Variants in CAST observed in about 807,000 individuals in gnomAD.
CAST encodes the protein MIR583 host.
CAST carries 76 observed loss-of-function variants against 119.6 expected under a neutral mutation model. That is an observed-to-expected ratio of 0.64 (90% confidence interval 0.53 to 0.77). The LOEUF is 0.77. Among genes scored for constraint, CAST ranks in the 30% least tolerant of loss-of-function variants. The probability of loss-of-function intolerance (pLI) is 0.00; values close to 1 mark genes in which losing one functional copy is unlikely to be tolerated. For missense variants in CAST, 953 were observed against 946.5 expected, an observed-to-expected ratio of 1.01 and a Z score of -0.09; for synonymous variants, 319 against 331.6, an observed-to-expected ratio of 0.96 and a Z score of 0.41.
chr5:96,436,971 C>T, the CAST span, among the ~76,000 whole-genome samples: 2 of 152,152 alleles, frequency 1.3e-5, no homozygotes, highest in African/African-American at 2.4e-5. Context: ...AATAGACATG[C>T]TTGCAGCAGG....
the CAST span, among the ~76,000 whole-genome samples, chr5:96,228,003 C>CTG: frequency 0.013 from 1,903 of 146,654 alleles, 20 homozygotes; most frequent in African/African-American, 0.037. Context: ...CTTTCTCTCT[C>CTG]TGTGTGTGTG....
chr5:96,152,950 G>A, the CAST span, among the ~76,000 whole-genome samples: 1 of 152,146 alleles, frequency 6.6e-6, no homozygotes. Context: ...TCAAGTTGAG[G>A]AATTTAGAAA....
intron 1 of CAST, among the ~76,000 whole-genome samples, chr5:96,576,915 C>T (rs1746683042): frequency 6.6e-6 from 1 of 152,074 alleles, no homozygotes; most frequent in South Asian, 2.1e-4. Context: ...GTTTGCTGCA[C>T]CTAACAACCC....
At chr5:96,000,430 A>G in the CAST span, among the ~76,000 whole-genome samples, 1 of 152,204 alleles carries the variant, frequency 6.6e-6, no homozygotes, top group Non-Finnish European at 1.5e-5. Context: ...AGTGTGAAGT[A>G]GGTGTCTAAA....
At chr5:96,633,623 A>G (rs909482504) in intron 1 of CAST, among the ~76,000 whole-genome samples, 18 of 152,196 alleles carry the variant, frequency 1.2e-4, no homozygotes, top group African/African-American at 4.3e-4. Context: ...ATAACATATT[A>G]CAATATTCCA....
chr5:96,399,922 A>G, the CAST span: 1 of 1,497,714 alleles, frequency 6.7e-7, no homozygotes, highest in Non-Finnish European at 9.3e-7. Context: ...CCATGGGCAC[A>G]CATGTGTTTA....
At chr5:96,575,956 A>T (rs1477640936) in intron 1 of CAST, among the ~76,000 whole-genome samples, 2 of 152,122 alleles carry the variant, frequency 1.3e-5, no homozygotes, top group Non-Finnish European at 2.9e-5. Context: ...GCTTCAATTG[A>T]TATGACCATA....
At chr5:96,219,889 A>C in the CAST span, among the ~76,000 whole-genome samples, 2 of 152,170 alleles carry the variant, frequency 1.3e-5, no homozygotes, top group Non-Finnish European at 2.9e-5. Flanking sequence ...GTCTCCACAG[A>C]AGACCCCACT....
At chr5:96,427,819 C>T in the CAST span, among the ~76,000 whole-genome samples, 7 of 152,128 alleles carry the variant, frequency 4.6e-5, 1 homozygote, top group East Asian at 1.3e-3. Context: ...TCTGCTTAGC[C>T]CGGGGACTAA....
chr5:96,493,791 C>G, the CAST span, among the ~76,000 whole-genome samples: 1 of 152,188 alleles, frequency 6.6e-6, no homozygotes, highest in East Asian at 1.9e-4. Flanking sequence ...GTAATCCCAG[C>G]ACTTTGGGAG....
rs998040561 is a variant in CAST at position 96,662,965 on chromosome 5, G to T, written c.75+468G>T. ...GCGGGCGAGGAGGGGCGGGGCCTGC[G>T]CCGGGCCCCACCCCCAGGGTTCTGC... is the stretch of plus-strand genomic sequence containing the variant. On this transcript the variant is annotated intron_variant, in intron 1 of 31. Transcript: ENST00000675179. The T allele has an allele frequency of 2.0e-5, 12 of 600,758 alleles. No homozygotes were observed. The East Asian group carries it at 2.6e-4, about 13-fold the overall frequency. 37.2% of individuals were successfully genotyped at this position (600,758 alleles called of 1,614,324 possible).
At chr5:96,033,770 G>A in the CAST span, among the ~76,000 whole-genome samples, 3 of 151,994 alleles carry the variant, frequency 2.0e-5, no homozygotes, top group African/African-American at 7.2e-5. Flanking sequence ...GACCCCAAAA[G>A]CATCAGCAAC....
chr5:95,980,490 C>G, the CAST span: 3 of 152,162 alleles, frequency 2.0e-5, no homozygotes, highest in African/African-American at 7.2e-5. Flanking sequence ...GGCTACATCA[C>G]TTGTGAGGCC....
chr5:96,577,054 G>A (rs1477382611), intron 1 of CAST, among the ~76,000 whole-genome samples: 1 of 152,092 alleles, frequency 6.6e-6, no homozygotes, highest in Non-Finnish European at 1.5e-5. Flanking sequence ...TCATTGCTTA[G>A]CTCCCACTTA....
chr5:95,985,947 TC>T, the CAST span, among the ~76,000 whole-genome samples: 1 of 152,218 alleles, frequency 6.6e-6, no homozygotes, highest in Non-Finnish European at 1.5e-5. Flanking sequence ...CTTACTGCTC[TC>T]TTTGGGTTTT....
chr5:96,527,264 C>T (rs1295621251), upstream of CAST, among the ~76,000 whole-genome samples: 2 of 152,140 alleles, frequency 1.3e-5, no homozygotes, highest in African/African-American at 4.8e-5. Context: ...TGAGGAATTT[C>T]CTTGTGAGTA....
At chr5:96,317,700 A>G in the CAST span, among the ~76,000 whole-genome samples, 12 of 152,148 alleles carry the variant, frequency 7.9e-5, no homozygotes, top group African/African-American at 2.9e-4. Context: ...ATCCTATTGC[A>G]TGCAGCAACA....
chr5:96,681,541 G>A (rs1751410775), intron 2 of CAST, among the ~76,000 whole-genome samples: 1 of 151,566 alleles, frequency 6.6e-6, no homozygotes, highest in Non-Finnish European at 1.5e-5. Flanking sequence ...AGACCATCCC[G>A]GCTAAAACGG....
the CAST span, among the ~76,000 whole-genome samples, chr5:96,470,651 C>T: frequency 6.6e-6 from 1 of 151,966 alleles, no homozygotes; most frequent in Non-Finnish European, 1.5e-5. Flanking sequence ...TTAGGAATGG[C>T]ATATGTGAAT....
Sources: gnomAD v4.1 joint callset for allele counts (sites outside exome capture counted in the v4.1 genomes callset) on GRCh38, gnomAD v4.1.1 for gene constraint, MANE v1.5 for transcripts, NCBI Gene and HGNC (gene_info 2026-07-23, HGNC 2026-07-21) for gene names.